Variants in METTL24 observed in about 807,000 individuals in gnomAD.
The protein encoded by METTL24 is probable methyltransferase-like protein 24.
METTL24 carries 29 observed loss-of-function variants against 32.7 expected under a neutral mutation model. The observed-to-expected ratio is 0.89, with a 90% CI of 0.66 to 1.21. METTL24 has a LOEUF of 1.21. METTL24 is among the 50% of genes most tolerant of loss of function. The pLI is 0.00. For synonymous variants in METTL24, 163 were observed against 179.5 expected, an observed-to-expected ratio of 0.91 and a Z score of 0.73; for missense variants, 439 against 468.1, an observed-to-expected ratio of 0.94 and a Z score of 0.57.
chr6:110,273,286 T>C (rs920198774), intron 4 of METTL24, among the ~76,000 whole-genome samples: 6 of 152,324 alleles, frequency 3.9e-5, no homozygotes, highest in African/African-American at 1.4e-4. Context: ...AGTATTTGGC[T>C]TTATTTCTAG....
chr6:110,323,654 G>C (rs762591791), intron 1 of METTL24, among the ~76,000 whole-genome samples: 1 of 152,066 alleles, frequency 6.6e-6, no homozygotes, highest in Non-Finnish European at 1.5e-5. Flanking sequence ...CCTTATTAGA[G>C]CTCAAAACTC....
intron 1 of METTL24, among the ~76,000 whole-genome samples, chr6:110,343,435 C>T (rs1469253092): frequency 1.3e-5 from 2 of 152,164 alleles, no homozygotes; most frequent in Non-Finnish European, 2.9e-5. Flanking sequence ...TATGAATTGT[C>T]TAGTAGTAGA....
chr6:110,256,815 TC>T (rs1778393971), intron 4 of METTL24, among the ~76,000 whole-genome samples: 1 of 152,222 alleles, frequency 6.6e-6, no homozygotes, highest in African/African-American at 2.4e-5. Context: ...CAAATGTAAT[TC>T]TTTGTCATTC....
chr6:110,286,230 G>A (rs561126160), intron 4 of METTL24, among the ~76,000 whole-genome samples: 31 of 152,250 alleles, frequency 2.0e-4, no homozygotes, highest in African/African-American at 7.2e-4. Context: ...AGGGCTTTAT[G>A]CACAAAAGAG....
intron 4 of METTL24, among the ~76,000 whole-genome samples, chr6:110,260,988 A>G (rs1770709801): frequency 6.6e-6 from 1 of 152,222 alleles, no homozygotes; most frequent in Non-Finnish European, 1.5e-5. Context: ...GAAAGGAACA[A>G]CCAGTACCAG....
chr6:110,254,489 G>A (rs997659747), intron 4 of METTL24, among the ~76,000 whole-genome samples: 1 of 151,882 alleles, frequency 6.6e-6, no homozygotes, highest in Non-Finnish European at 1.5e-5. Flanking sequence ...AAAATTATCT[G>A]GGCATGGTGG....
intron 3 of METTL24, among the ~76,000 whole-genome samples, chr6:110,303,437 C>T (rs1771572812): frequency 2.0e-5 from 3 of 152,182 alleles, no homozygotes; most frequent in African/African-American, 7.2e-5. Context: ...GCTGCTAGCA[C>T]AGCAGTCTGA....
At chr6:110,324,107 G>A (rs1771978733) in intron 1 of METTL24, among the ~76,000 whole-genome samples, 1 of 152,182 alleles carries the variant, frequency 6.6e-6, no homozygotes, top group Admixed American at 6.5e-5. Context: ...TGGGGAACAA[G>A]GTTAGTCTAT....
At chr6:110,339,085 T>C (rs1436574422) in intron 1 of METTL24, among the ~76,000 whole-genome samples, 1 of 152,182 alleles carries the variant, frequency 6.6e-6, no homozygotes, top group Admixed American at 6.5e-5. Context: ...AGTGCATTCC[T>C]CCTTATAGGA....
chr6:110,342,778 G>C (rs1327293414), intron 1 of METTL24, among the ~76,000 whole-genome samples: 3 of 152,064 alleles, frequency 2.0e-5, no homozygotes, highest in African/African-American at 7.2e-5. Flanking sequence ...GCCTATTCTG[G>C]ACATTTCATT....
At chr6:110,309,324 A>C (rs114329114) in intron 3 of METTL24, among the ~76,000 whole-genome samples, 1,795 of 152,288 alleles carry the variant, frequency 0.012, 40 homozygotes, top group African/African-American at 0.04. Flanking sequence ...TCAAGCTGCC[A>C]ACTATTAGAG....
At chr6:110,310,792 A>G (rs1340701549) in intron 3 of METTL24, among the ~76,000 whole-genome samples, 2 of 152,158 alleles carry the variant, frequency 1.3e-5, no homozygotes, top group Admixed American at 1.3e-4. Flanking sequence ...TTCAGTTCTT[A>G]GAGGTGGAGG....
intron 1 of METTL24, among the ~76,000 whole-genome samples, chr6:110,348,027 T>C (rs1471437544): frequency 1.3e-5 from 2 of 152,222 alleles, no homozygotes; most frequent in African/African-American, 4.8e-5. Flanking sequence ...CAGTGAACAT[T>C]GGGCTTTACC....
At chr6:110,255,357 G>A (rs1192150603) in intron 4 of METTL24, among the ~76,000 whole-genome samples, 1 of 152,102 alleles carries the variant, frequency 6.6e-6, no homozygotes, top group Non-Finnish European at 1.5e-5. Context: ...TGGGTGAGGT[G>A]ATAGAATACA....
chr6:110,317,786 C>T (rs867670282), intron 2 of METTL24, among the ~76,000 whole-genome samples: 1 of 152,096 alleles, frequency 6.6e-6, no homozygotes, highest in African/African-American at 2.4e-5. Context: ...AACATACGGT[C>T]CGCCTACATC....
chr6:110,322,095 C>T (rs1771939294), intron 2 of METTL24, among the ~76,000 whole-genome samples: 1 of 152,156 alleles, frequency 6.6e-6, no homozygotes, highest in African/African-American at 2.4e-5. Flanking sequence ...GATCAGGCAA[C>T]TTGAGAATGG....
Position 110,255,052 on chromosome 6 carries a change from C to G in METTL24, c.787-8792G>C, listed in dbSNP as rs150004943. On this transcript the variant is annotated intron_variant, in intron 4 of 4. Transcript: ENST00000338882. ...GTCAACTGGCAGAAATGTAACGGTA[C>G]AAGACTTCTGCTATCACTAGGGAAG... Among the ~76,000 whole-genome samples the G allele has an allele frequency of 4.5e-4, 68 of 152,216 alleles. 1 individual carries two copies. The highest frequency in any genetic ancestry group is 1.4e-3 in the African/African-American group (57 of 41,518).
intron 4 of METTL24, among the ~76,000 whole-genome samples, chr6:110,256,587 C>T (rs529544937): frequency 2.0e-5 from 3 of 152,224 alleles, no homozygotes; most frequent in Non-Finnish European, 4.4e-5. Flanking sequence ...GATAACGAGT[C>T]CCACCTATTC....
At chr6:110,357,314 T>A (rs1407441176) in intron 1 of METTL24, 2 of 152,244 alleles carry the variant, frequency 1.3e-5, no homozygotes, top group African/African-American at 4.8e-5. Flanking sequence ...TCGAGAGTTA[T>A]AAGACAAACC....
Sources: gnomAD v4.1 joint callset for allele counts (sites outside exome capture counted in the v4.1 genomes callset) on GRCh38, gnomAD v4.1.1 for gene constraint, MANE v1.5 for transcripts, NCBI Gene and HGNC (gene_info 2026-07-23, HGNC 2026-07-21) for gene names.